ACAA1: variants seen among roughly 807,000 people sequenced by gnomAD.
ACAA1 encodes the protein acetyl-CoA acyltransferase 1, also known as 3-ketoacyl-CoA thiolase, peroxisomal.
Under a neutral mutation model 48.8 loss-of-function variants are expected in ACAA1, and 44 were observed. That is an observed-to-expected ratio of 0.90 (90% CI 0.71 to 1.16). The LOEUF is 1.16. Among genes scored for constraint, ACAA1 ranks in the 50% most tolerant of loss-of-function variants. ACAA1 has a pLI of 0.00. For synonymous variants in ACAA1, 233 were observed against 226.5 expected (o/e 1.03, Z -0.26); for missense variants, 512 against 562.3 (o/e 0.91, Z 0.90).
chr3:38,128,007 A>G (rs1170416591), intron 6 of ACAA1, 141 bp from the exon 7 acceptor site: 5 of 760,032 alleles, frequency 6.6e-6, no homozygotes, highest in Non-Finnish European at 1.2e-5. Context: ...TGCCACAGAC[A>G]GTAGTGATGA....
chr3:38,125,498 C>T, intron 11 of ACAA1, 67 bp downstream of exon 11: 5 of 1,502,644 alleles, frequency 3.3e-6, no homozygotes, highest in Non-Finnish European at 4.5e-6. Context: ...TACCTCTATC[C>T]CCTGCCCTTC....
At chr3:38,135,043 T>G (rs1700863079) in intron 2 of ACAA1, 1 of 152,242 alleles carries the variant, frequency 6.6e-6, no homozygotes, top group African/African-American at 2.4e-5. Flanking sequence ...GGAAGCGAAA[T>G]ATGCTGGCAG....
intron 7 of ACAA1, among the ~76,000 whole-genome samples, chr3:38,127,157 A>C (rs911680359): frequency 1.3e-5 from 2 of 152,252 alleles, no homozygotes; most frequent in African/African-American, 4.8e-5. Flanking sequence ...ATTTTAAAGC[A>C]CAAGGTATTT....
Position 38,136,971 on chromosome 3 carries a change from TG to T in ACAA1, c.64del (p.Gln22ArgfsTer6). 6.4e-7 allele frequency: 1 copy of T among 1,556,796 alleles called. No individual in the cohort carries two copies. Among genetic ancestry groups the T allele is most frequent in the South Asian group, 1.2e-5 (1 of 84,632 alleles). On this transcript the variant is annotated frameshift_variant, in exon 1 of 12. Transcript: ENST00000333167. LOFTEE classifies it high-confidence loss of function. ...GGCACCGCTCAGGCAAGGCGCGGCCTGCGGCATCCAGCCGGAATCGGCCGGA... is the reference window on the plus strand; with the variant it reads ...GGCACCGCTCAGGCAAGGCGCGGCCTCGGCATCCAGCCGGAATCGGCCGGA... ...RGPADSGWMP[Q>X]AAPCLSGAPQ...
At chr3:38,123,551 T>C (rs562638161) in intron 11 of ACAA1, 23 of 170,990 alleles carry the variant, frequency 1.3e-4, no homozygotes, top group East Asian at 7.0e-4. Flanking sequence ...AAAAAATAAT[T>C]TGGAAGCCTG....
chr3:38,137,107 A>T lies in ACAA1; in HGVS notation c.-72T>A. On this transcript the variant is annotated 5_prime_UTR_variant, in exon 1 of 12. An upstream open reading frame in the 5' UTR gains an earlier in-frame stop. Transcript: ENST00000333167. ...GCGGAGTTAACAGACAGCCGTCCGCACACGCGCAGAACCACATCTCAGCCT... is the reference window on the plus strand; with the variant it reads ...GCGGAGTTAACAGACAGCCGTCCGCTCACGCGCAGAACCACATCTCAGCCT... 7.9e-7 allele frequency: 1 copy of T among 1,265,252 alleles called. No homozygotes were observed. 78.4% of individuals were successfully genotyped at this position (1,265,252 alleles called of 1,614,324 possible). A position where few individuals can be genotyped will look rare whatever the true frequency, so the allele number is the denominator to read the frequency against.
chr3:38,125,248 T>G, intron 11 of ACAA1: 1 of 234,092 alleles, frequency 4.3e-6, no homozygotes, highest in Admixed American at 5.5e-5. Context: ...TTTTAATCTT[T>G]TGAGATTGTG....
chr3:38,136,476 A>T, intron 2 of ACAA1, 116 bp downstream of exon 2: 1 of 1,101,216 alleles, frequency 9.1e-7, no homozygotes, highest in Non-Finnish European at 1.4e-6. Flanking sequence ...GACCCCTTCA[A>T]AGGTCAAGGC....
In ACAA1 at chr3:38,125,900, C is replaced by T; in HGVS notation, c.998-19G>A. 3 of 1,614,098 alleles carry T rather than the reference C, an allele frequency of 1.9e-6. No individual in the cohort carries two copies. Among genetic ancestry groups the T allele is most frequent in the Non-Finnish European group, 2.5e-6 (3 of 1,180,018 alleles). On this transcript the variant is annotated intron_variant, in intron 9 of 11. Coordinates refer to ENST00000333167, the MANE Select transcript of ACAA1 (RefSeq NM_001607.4). ...GTCAGCCCTGCAGACAAGGTAAAGA[C>T]CTGAGCTGACACACTGGCCCTCTGC... is the stretch of plus-strand genomic sequence containing the variant.
chr3:38,125,828 G>A lies in ACAA1; in HGVS notation c.1051C>T (p.Gln351Ter), dbSNP rs1259784366. 2 of 1,614,094 alleles carry A rather than the reference G, an allele frequency of 1.2e-6. No homozygotes were observed. Among genetic ancestry groups the A allele is most frequent in the Non-Finnish European group, 1.7e-6 (2 of 1,180,038 alleles). The change falls in exon 10 of 12, where the codon CAG becomes TAG. Residue 351 changes from glutamine (Q) to a stop codon, truncating the protein, a stop_gained and splice_region_variant. Coordinates refer to ENST00000333167, the MANE Select transcript of ACAA1 (RefSeq NM_001607.4). LOFTEE classifies it high-confidence loss of function. ...IFEINEAFAS[Q>*]AAYCVEKLRL... is the part of the protein sequence containing the mutation. ...AACATTGAGAAACAAGGGCTCACCTGGCTTGCAAAGGCCTCATTGATCTCG... is the reference window on the plus strand; with the variant it reads ...AACATTGAGAAACAAGGGCTCACCTAGCTTGCAAAGGCCTCATTGATCTCG...
Position 38,126,204 on chromosome 3 carries a change from T to G in ACAA1, c.955A>C (p.Ile319Leu), listed in dbSNP as rs1700678925. The G allele has an allele frequency of 6.2e-7, 1 of 1,614,176 alleles. No homozygotes were observed. The highest frequency in any genetic ancestry group is 2.2e-5 in the East Asian group (1 of 44,888). ...ACTGGGATGGCATAGGCAGGTCCAATGCCCATGATGTCAGGTGGGACCCCA... is the reference window on the plus strand; with the variant it reads ...ACTGGGATGGCATAGGCAGGTCCAAGGCCCATGATGTCAGGTGGGACCCCA... ...VVGVPPDIMG[I>L]GPAYAIPVAL... Residue 319 changes from isoleucine (I) to leucine (L), a missense_variant, in exon 9 of 12, where the codon ATT becomes CTT. Ile to Leu is a conservative substitution (Grantham distance 5, BLOSUM62 2). Coordinates refer to ENST00000333167, the MANE Select transcript of ACAA1 (RefSeq NM_001607.4). The surrounding 1 kb of genome is among the most constrained non-coding windows in gnomAD (Gnocchi z 4.7).
At position 38,126,814 on chromosome 3, in the gene ACAA1, T is replaced by G; in HGVS notation, c.627-114A>C. 1 of 1,300,506 alleles carries G rather than the reference T, an allele frequency of 7.7e-7. No homozygotes were observed. The allele number at this position is 1,300,506 out of a possible 1,614,324, so 80.6% of individuals were successfully genotyped here. On this transcript the variant is annotated intron_variant, in intron 7 of 11. Coordinates refer to ENST00000333167, the MANE Select transcript of ACAA1 (RefSeq NM_001607.4). The surrounding 1 kb of genome is among the most constrained non-coding windows in gnomAD (Gnocchi z 4.7). The stretch of plus-strand genomic sequence containing the variant: ...GCTCAGGCTGCTAAATTCAGGGACA[T>G]GCTCGACTTTGGGGGAGCTCTGAGG...
intron 11 of ACAA1, chr3:38,123,354 A>G (rs1345293162): frequency 7.4e-6 from 4 of 543,342 alleles, no homozygotes; most frequent in Middle Eastern, 3.8e-4. Flanking sequence ...TCATGCCCCT[A>G]CATCCTAAGT....
intron 6 of ACAA1, among the ~76,000 whole-genome samples, chr3:38,128,289 T>C (rs964614180): frequency 6.6e-6 from 1 of 152,180 alleles, no homozygotes; most frequent in African/African-American, 2.4e-5. Flanking sequence ...ACTGCTGCAA[T>C]GTAGGGAGAT....
rs748081661 is a variant in ACAA1 at position 38,127,815 on chromosome 3, C to T, written c.597G>A (p.Gln199=). ...GCTGGGAAGCCAGGGCAAAGGTATC[C>T]TGCTTCTCCCGTGAAATGCCAAACC... ...AERFGISREK[Q]DTFALASQQK... Residue 199 remains glutamine (Q), a synonymous_variant, in exon 7 of 12, where the codon CAG becomes CAA. Coordinates refer to ENST00000333167, the MANE Select transcript of ACAA1 (RefSeq NM_001607.4). 12 of 1,614,060 alleles carry T rather than the reference C, an allele frequency of 7.4e-6. No individual in the cohort carries two copies. Among genetic ancestry groups the T allele is most frequent in the Non-Finnish European group, 8.5e-6 (10 of 1,180,040 alleles).
Position 38,126,836 on chromosome 3 carries a change from G to A in ACAA1, c.627-136C>T. 9.2e-7 allele frequency: 1 copy of A among 1,088,026 alleles called. No homozygotes were observed. The highest frequency in any genetic ancestry group is 1.3e-6 in the Non-Finnish European group (1 of 755,504). The allele number at this position is 1,088,026 out of a possible 1,614,324, so 67.4% of individuals were successfully genotyped here. ...ACATGCTCGACTTTGGGGGAGCTCT[G>A]AGGGCATGGCTAAGGCCTTACAGGG... On this transcript the variant is annotated intron_variant, in intron 7 of 11. Coordinates refer to ENST00000333167, the MANE Select transcript of ACAA1 (RefSeq NM_001607.4). This position sits in a 1 kb window ranked among gnomAD's most constrained non-coding sequence, Gnocchi z 4.7.
chr3:38,135,781 C>T (rs568813647), intron 2 of ACAA1, among the ~76,000 whole-genome samples: 3 of 152,256 alleles, frequency 2.0e-5, no homozygotes, highest in African/African-American at 7.2e-5. Context: ...AGAGGCCTTC[C>T]TCTTTTACTA....
chr3:38,133,973 G>C lies in ACAA1; in HGVS notation c.302C>G (p.Ala101Gly), dbSNP rs774415659. Residue 101 changes from alanine to glycine, a missense_variant, in exon 3 of 12, where the codon GCC (alanine) becomes GGC (glycine). Physicochemically the swap from Ala to Gly is moderately conservative, Grantham distance 60 (BLOSUM62 0). Coordinates refer to ENST00000333167, the MANE Select transcript of ACAA1 (RefSeq NM_001607.4). Reference protein sequence around the residue: ...VLQPGAGAIMARIAQFLSDIP... With the variant: ...VLQPGAGAIMGRIAQFLSDIP... ...TTACCTCAGAAACTGGGCGATTCGGGCCATGATTGCCCCGGCCCCAGGCTG... is the reference window on the plus strand; with the variant it reads ...TTACCTCAGAAACTGGGCGATTCGGCCCATGATTGCCCCGGCCCCAGGCTG... 7.4e-6 allele frequency: 12 copies of C among 1,614,182 alleles called. No homozygotes were observed. The Admixed American group carries it at 2.0e-4, about 27-fold the overall frequency.
rs980943109 is a variant in ACAA1 at position 38,126,188 on chromosome 3, G to C, written c.971C>G (p.Ala324Gly). ...PDIMGIGPAYAIPVALQKAGL... is the reference protein window; with the variant it reads ...PDIMGIGPAYGIPVALQKAGL... ...TGCTTTTTGCAAAGCTACTGGGATG[G>C]CATAGGCAGGTCCAATGCCCATGAT... The change falls in exon 9 of 12, where the codon GCC becomes GGC. Residue 324 changes from alanine to glycine, a missense_variant. Ala to Gly is a moderately conservative substitution (Grantham distance 60, BLOSUM62 0). Coordinates refer to ENST00000333167, the MANE Select transcript of ACAA1 (RefSeq NM_001607.4). The surrounding 1 kb of genome is among the most constrained non-coding windows in gnomAD (Gnocchi z 4.7). 1 of 1,614,156 alleles carries C rather than the reference G, an allele frequency of 6.2e-7. No individual in the cohort carries two copies. The highest frequency in any genetic ancestry group is 8.5e-7 in the Non-Finnish European group (1 of 1,179,992).
Sources: gnomAD v4.1 joint callset for allele counts (sites outside exome capture counted in the v4.1 genomes callset) on GRCh38, gnomAD v4.1.1 for gene constraint, Gnocchi (gnomAD v3.1) non-coding constraint, MANE v1.5 for transcripts, NCBI Gene and HGNC (gene_info 2026-07-23, HGNC 2026-07-21) for gene names.